ATP11B: variants seen among roughly 807,000 people sequenced by gnomAD.
ATP11B encodes phospholipid-transporting ATPase IF.
In ATP11B, 81 loss-of-function variants were observed where a neutral mutation model predicts 157.8. That is an observed-to-expected ratio of 0.51 (90% CI 0.43 to 0.62). The LOEUF (loss-of-function observed/expected upper bound fraction) is 0.62, where lower values mean the gene tolerates loss of function less well. Ranked by LOEUF, ATP11B falls within the 20% of genes least tolerant of loss-of-function variation. ATP11B has a pLI of 0.00. For missense variants in ATP11B, 1,165 were observed against 1,402.2 expected (o/e 0.83, Z 2.70); for synonymous variants, 451 against 469.4 (o/e 0.96, Z 0.51).
At chr3:182,847,913 C>G (rs1719661869) in intron 9 of ATP11B, among the ~76,000 whole-genome samples, 1 of 152,238 alleles carries the variant, frequency 6.6e-6, no homozygotes, top group Non-Finnish European at 1.5e-5. Context: ...CCCATTACTA[C>G]TGTCATCCTT....
chr3:182,898,533 A>G (rs2108579775), intron 27 of ATP11B, 74 bp from the exon 28 acceptor site: 1 of 1,172,048 alleles, frequency 8.5e-7, no homozygotes, highest in Non-Finnish European at 1.2e-6. Context: ...TTTCAACTGT[A>G]GTGTCTTTAT....
intron 18 of ATP11B, among the ~76,000 whole-genome samples, chr3:182,872,832 G>A (rs1477521819): frequency 6.6e-6 from 1 of 152,156 alleles, no homozygotes; most frequent in African/African-American, 2.4e-5. Context: ...TAATTCTCCA[G>A]CCTTCCCTCC....
At chr3:182,857,579 TAGAA>T (rs774751154) in intron 10 of ATP11B, among the ~76,000 whole-genome samples, 138 of 115,136 alleles carry the variant, frequency 1.2e-3, no homozygotes, top group Non-Finnish European at 1.5e-3. Flanking sequence ...AAAAAAAACT[TAGAA>T]TAATTACTTA....
chr3:182,902,567 G>A (rs1438981039), intron 28 of ATP11B: 1 of 1,288,888 alleles, frequency 7.8e-7, no homozygotes, highest in South Asian at 1.2e-5. Flanking sequence ...GCAAACTTAG[G>A]TAGAGTAGGA....
At chr3:182,882,142 A>G (rs1332992083) in intron 21 of ATP11B, among the ~76,000 whole-genome samples, 8 of 152,316 alleles carry the variant, frequency 5.3e-5, no homozygotes, top group Non-Finnish European at 8.8e-5. Context: ...AATAGTCTCT[A>G]TAATGTGCTG....
intron 1 of ATP11B, among the ~76,000 whole-genome samples, chr3:182,804,682 T>C (rs1421521320): frequency 2.0e-5 from 3 of 152,208 alleles, no homozygotes; most frequent in African/African-American, 7.2e-5. Context: ...TCAGTTTTTT[T>C]CTAGTGTATT....
intron 1 of ATP11B, among the ~76,000 whole-genome samples, chr3:182,804,557 T>C (rs1278976174): frequency 6.6e-6 from 1 of 152,166 alleles, no homozygotes; most frequent in Admixed American, 6.5e-5. Context: ...TTAACTCCAG[T>C]GTTCTTTCTC....
In ATP11B at chr3:182,836,346, G is replaced by A; in HGVS notation, c.428G>A (p.Gly143Asp). ...CTTCCCCAAAATTCTTTATAGGTGG[G>A]TGATATTGTTCGAATAGCCAAAGAT... ...VKTRSKNIRVGDIVRIAKDEI... is the reference protein window; with the variant it reads ...VKTRSKNIRVDDIVRIAKDEI... Residue 143 changes from glycine to aspartate, a missense_variant, in exon 6 of 30, where the codon GGT becomes GAT. Physicochemically the swap from Gly to Asp is moderately conservative, Grantham distance 94. Coordinates refer to ENST00000323116, the MANE Select transcript of ATP11B (RefSeq NM_014616.3). 3 of 1,613,656 alleles carry A rather than the reference G, an allele frequency of 1.9e-6. No individual in the cohort carries two copies. Among genetic ancestry groups the A allele is most frequent in the Non-Finnish European group, 2.5e-6 (3 of 1,179,740 alleles).
chr3:182,827,875 T>C (rs1200697213), intron 2 of ATP11B, among the ~76,000 whole-genome samples: 3 of 151,936 alleles, frequency 2.0e-5, no homozygotes, highest in Admixed American at 2.0e-4. Flanking sequence ...AGCAAAATTG[T>C]TGGGTTTCAG....
intron 12 of ATP11B, among the ~76,000 whole-genome samples, chr3:182,862,950 C>G (rs1286400001): frequency 6.6e-6 from 1 of 151,898 alleles, no homozygotes; most frequent in East Asian, 1.9e-4. Flanking sequence ...GAGTCTCACT[C>G]TGTCTCCCAG....
In ATP11B at chr3:182,793,781, C is replaced by A; in HGVS notation, c.22C>A (p.Gln8Lys). 2.5e-5 allele frequency: 35 copies of A among 1,401,068 alleles called. No homozygotes were observed. Among genetic ancestry groups the A allele is most frequent in the Non-Finnish European group, 3.3e-5 (35 of 1,071,186 alleles). The allele number at this position is 1,401,068 out of a possible 1,614,324, so 86.8% of individuals were successfully genotyped here. A position where few individuals can be genotyped will look rare whatever the true frequency, so the allele number is the denominator to read the frequency against. MWRWIRQ[Q>K]LGFDPPHQSD... ...GGGAATGTGGCGCTGGATCCGGCAG[C>A]AGCTGGTAGGTGCCCCCGCCCCTCC... is the stretch of plus-strand genomic sequence containing the variant. Residue 8 changes from glutamine (Q) to lysine (K), a missense_variant, in exon 1 of 30, where the codon CAG (glutamine) becomes AAG (lysine). Transcript: ENST00000323116.
Position 182,837,106 on chromosome 3 carries a change from A to C in ATP11B, c.588A>C (p.Gln196His), listed in dbSNP as rs1718613754. The C allele has an allele frequency of 1.9e-6, 3 of 1,613,480 alleles. No individual in the cohort carries two copies. Among genetic ancestry groups the C allele is most frequent in the Non-Finnish European group, 2.5e-6 (3 of 1,179,614 alleles). Residue 196 changes from glutamine to histidine, a missense_variant, in exon 7 of 30, where the codon CAA becomes CAC. By Grantham distance (24) the Gln-to-His change is conservative. Coordinates refer to ENST00000323116, the MANE Select transcript of ATP11B (RefSeq NM_014616.3). The part of the protein sequence containing the change: ...HVAVPETALL[Q>H]TVANLDTLVA... ...CAGTTCCAGAAACAGCATTATTACA[A>C]ACAGTTGCCAATTTGGACACTCTAG...
intron 12 of ATP11B, among the ~76,000 whole-genome samples, 192 bp from the exon 13 acceptor site, chr3:182,865,264 G>A (rs1276678075): frequency 1.3e-5 from 2 of 152,106 alleles, no homozygotes; most frequent in African/African-American, 2.4e-5. Context: ...AAACTATTTT[G>A]TGTTACCCTG....
chr3:182,862,864 A>G (rs1399748793), intron 12 of ATP11B, among the ~76,000 whole-genome samples: 1 of 151,630 alleles, frequency 6.6e-6, no homozygotes, highest in African/African-American at 2.4e-5. Context: ...AACCAGAGAT[A>G]ATTAAATGTG....
intron 25 of ATP11B, among the ~76,000 whole-genome samples, chr3:182,891,483 T>G (rs947993198): frequency 6.6e-6 from 1 of 152,192 alleles, no homozygotes; most frequent in African/African-American, 2.4e-5. Context: ...TATCCCCTTA[T>G]TTCTTAACAT....
At position 182,902,501 on chromosome 3, in the gene ATP11B, T is replaced by C. The variant is rs1445007650; in HGVS notation, c.3318+3729T>C. ...TATAGATGTACTCCAACACAGTTGC[T>C]TTAAGTGACGAGTTCATCGCACTGC... On this transcript the variant is annotated intron_variant, in intron 28 of 29. Coordinates refer to ENST00000323116, the MANE Select transcript of ATP11B (RefSeq NM_014616.3). 2.3e-6 allele frequency: 3 copies of C among 1,289,424 alleles called. No homozygotes were observed. The Admixed American group carries it at 6.9e-5, about 30-fold the overall frequency. The allele number at this position is 1,289,424 out of a possible 1,614,324, so 79.9% of individuals were successfully genotyped here.
chr3:182,879,793 T>C (rs1214018284), intron 20 of ATP11B, 144 bp downstream of exon 20: 2 of 686,666 alleles, frequency 2.9e-6, no homozygotes, highest in Non-Finnish European at 4.4e-6. Flanking sequence ...TGTTGTAAAT[T>C]TTAATCATGT....
At chr3:182,837,342 A>G (rs1425874123) in intron 7 of ATP11B, among the ~76,000 whole-genome samples, 168 bp downstream of exon 7, 6 of 152,180 alleles carry the variant, frequency 3.9e-5, no homozygotes, top group Non-Finnish European at 7.4e-5. Flanking sequence ...AGAAATTGCT[A>G]GAATTCTAAG....
chr3:182,920,267 T>A lies in ATP11B; in HGVS notation c.*2163T>A, dbSNP rs934943969. ...TTAGTTAAGGAGAACTTTATTTTTT[T>A]AAAAAAAGTAAATGGCAACCACTAG... On this transcript the variant is annotated 3_prime_UTR_variant, in exon 30 of 30. Transcript: ENST00000323116. 6.6e-5 allele frequency: 10 copies of A among 152,268 alleles called. No individual in the cohort carries two copies. The highest frequency in any genetic ancestry group is 1.9e-4 in the East Asian group (1 of 5,190). 9.4% of individuals were successfully genotyped at this position (152,268 alleles called of 1,614,324 possible).
Sources: gnomAD v4.1 joint callset for allele counts (sites outside exome capture counted in the v4.1 genomes callset) on GRCh38, gnomAD v4.1.1 for gene constraint, MANE v1.5 for transcripts, NCBI Gene and HGNC (gene_info 2026-07-23, HGNC 2026-07-21) for gene names.